REDIC1: variants seen among roughly 807,000 people sequenced by gnomAD.
The protein encoded by REDIC1 is HEI10 Interacting Protein 1.
chr12:39,768,090 T>C, the REDIC1 span, among the ~76,000 whole-genome samples: 1 of 152,258 alleles, frequency 6.6e-6, no homozygotes, highest in Non-Finnish European at 1.5e-5. Flanking sequence ...CAGCACTTGC[T>C]GCCTCACCTT....
chr12:39,781,378 C>T, the REDIC1 span, among the ~76,000 whole-genome samples: 1 of 48,544 alleles, frequency 2.1e-5, no homozygotes, highest in East Asian at 7.1e-4. Flanking sequence ...GGGAGCCCCG[C>T]ACAGTCTGGC....
chr12:39,879,336 G>C, the REDIC1 span, among the ~76,000 whole-genome samples: 1 of 152,168 alleles, frequency 6.6e-6, no homozygotes, highest in Admixed American at 6.5e-5. Flanking sequence ...CTAGACCCCA[G>C]AATGGTAGAT....
the REDIC1 span, among the ~76,000 whole-genome samples, chr12:39,738,146 T>C: frequency 6.6e-6 from 1 of 152,342 alleles, no homozygotes; most frequent in East Asian, 1.9e-4. Flanking sequence ...CTCATAGAAT[T>C]TGACATTTTA....
At chr12:39,871,053 G>A in the REDIC1 span, among the ~76,000 whole-genome samples, 1 of 151,986 alleles carries the variant, frequency 6.6e-6, no homozygotes, top group Non-Finnish European at 1.5e-5. Context: ...ATAGCTAATT[G>A]ATACATAGGA....
At chr12:39,891,027 A>G in the REDIC1 span, among the ~76,000 whole-genome samples, 1 of 152,072 alleles carries the variant, frequency 6.6e-6, no homozygotes, top group Non-Finnish European at 1.5e-5. Context: ...TATTTAAACA[A>G]TGAATCTTAT....
chr12:39,639,948 T>C, the REDIC1 span, among the ~76,000 whole-genome samples: 604 of 152,054 alleles, frequency 4.0e-3, 4 homozygotes, highest in African/African-American at 0.014. Flanking sequence ...TGTTCCGCTG[T>C]TATTAATAGA....
At chr12:39,672,912 AC>A in the REDIC1 span, among the ~76,000 whole-genome samples, 1 of 152,004 alleles carries the variant, frequency 6.6e-6, no homozygotes, top group Non-Finnish European at 1.5e-5. Context: ...GTTTGTTGGG[AC>A]CTGGCATTAA....
the REDIC1 span, among the ~76,000 whole-genome samples, chr12:39,665,268 T>C: frequency 6.6e-6 from 1 of 152,340 alleles, no homozygotes; most frequent in Non-Finnish European, 1.5e-5. Flanking sequence ...AAGGAAGGGA[T>C]CCAGTTTCAG....
the REDIC1 span, among the ~76,000 whole-genome samples, chr12:39,869,609 C>G: frequency 6.6e-6 from 1 of 152,128 alleles, no homozygotes; most frequent in Non-Finnish European, 1.5e-5. Flanking sequence ...CTATAGGTTG[C>G]TCATGAGAAG....
chr12:39,682,714 C>T, the REDIC1 span: 2 of 1,613,048 alleles, frequency 1.2e-6, no homozygotes, highest in Non-Finnish European at 1.7e-6. Context: ...TACTGAAAAA[C>T]ACTCAATACA....
the REDIC1 span, among the ~76,000 whole-genome samples, chr12:39,824,217 C>T: frequency 3.3e-5 from 5 of 152,216 alleles, no homozygotes; most frequent in Admixed American, 3.3e-4. Context: ...ATTCATTATT[C>T]AGGGGTTTTG....
chr12:39,701,927 C>T, the REDIC1 span, among the ~76,000 whole-genome samples: 2 of 152,034 alleles, frequency 1.3e-5, no homozygotes, highest in Non-Finnish European at 2.9e-5. Flanking sequence ...ATCTCTGGGA[C>T]ACATTTAAAG....
chr12:39,786,595 C>T, the REDIC1 span, among the ~76,000 whole-genome samples: 849 of 152,198 alleles, frequency 5.6e-3, 12 homozygotes, highest in African/African-American at 0.019. Flanking sequence ...ACAAGGAGAG[C>T]ATGATATTCA....
the REDIC1 span, among the ~76,000 whole-genome samples, chr12:39,683,834 T>C: frequency 3.3e-5 from 5 of 152,130 alleles, no homozygotes; most frequent in African/African-American, 1.2e-4. Flanking sequence ...CTTATTGACA[T>C]GAAAAAGCAT....
At chr12:39,693,968 T>C in the REDIC1 span, among the ~76,000 whole-genome samples, 1 of 152,206 alleles carries the variant, frequency 6.6e-6, no homozygotes, top group Non-Finnish European at 1.5e-5. Flanking sequence ...GGGATTGTGG[T>C]CAAACTTAGG....
At chr12:39,704,495 A>G in the REDIC1 span, among the ~76,000 whole-genome samples, 4 of 152,220 alleles carry the variant, frequency 2.6e-5, no homozygotes, top group African/African-American at 9.6e-5. Flanking sequence ...TAGTTCAACC[A>G]TTGTAGAAGG....
the REDIC1 span, among the ~76,000 whole-genome samples, chr12:39,898,961 G>T: frequency 2.0e-5 from 3 of 152,144 alleles, no homozygotes; most frequent in African/African-American, 7.2e-5. Flanking sequence ...TTGTGTCTCT[G>T]CCTGGCTTTG....
the REDIC1 span, among the ~76,000 whole-genome samples, chr12:39,691,165 G>A: frequency 2.0e-5 from 3 of 152,060 alleles, no homozygotes; most frequent in African/African-American, 4.8e-5. Flanking sequence ...GACCAGGACC[G>A]GCAGTAGTTT....
chr12:39,789,809 T>A, the REDIC1 span, among the ~76,000 whole-genome samples: 3 of 152,184 alleles, frequency 2.0e-5, no homozygotes, highest in African/African-American at 7.2e-5. Context: ...AGCCCCCATT[T>A]CACATATTTA....
Sources: allele counts gnomAD v4.1 joint callset (sites outside exome capture counted in the v4.1 genomes callset), GRCh38; gene constraint gnomAD v4.1.1; transcripts MANE v1.5; gene names NCBI Gene and HGNC (gene_info 2026-07-23, HGNC 2026-07-21).